The following NAALADL2 variants were observed in gnomAD, a reference collection of about 807,000 sequenced individuals.
The protein encoded by NAALADL2 is N-acetylated alpha-linked acidic dipeptidase like 2.
A neutral mutation model predicts 87.2 loss-of-function variants in NAALADL2; 76 were observed. The ratio of observed to expected loss-of-function variants is 0.87; its 90% CI spans 0.72 to 1.05. NAALADL2 has a LOEUF of 1.05. NAALADL2 is among the 50% of genes least tolerant of loss of function. The pLI is 0.00. For missense variants in NAALADL2, 1,089 were observed against 945.8 expected (o/e 1.15, Z -1.99); for synonymous variants, 354 against 331.0 (o/e 1.07, Z -0.75).
At chr3:174,797,298 C>CTTTTTTTTTTTGTTTTTTTTTT (rs765233495) in intron 3 of NAALADL2, among the ~76,000 whole-genome samples, 1 of 97,728 alleles carries the variant, frequency 1.0e-5, no homozygotes, top group Admixed American at 1.0e-4. Flanking sequence ...TTTTGTTTTT[C>CTTTTTTTTTTTGTTTTTTTTTT]TTTTTTCTTT....
In NAALADL2 at chr3:175,406,903, G is replaced by T. The variant is rs543820884; in HGVS notation, c.1091-40326G>T. On this transcript the variant is annotated intron_variant, in intron 5 of 13. Transcript: ENST00000454872. ...TTGCATTTTATTAAAAGTGTCGGCC[G>T]GGCGCTGTGGCTCACGCCTGTAATC... Among the ~76,000 whole-genome samples, 6 of 151,894 alleles carry T rather than the reference G, an allele frequency of 4.0e-5. No homozygotes were observed. The East Asian group carries it at 1.2e-3, about 29-fold the overall frequency.
At chr3:175,607,403 T>C (rs963883399) in intron 10 of NAALADL2, among the ~76,000 whole-genome samples, 12 of 152,326 alleles carry the variant, frequency 7.9e-5, no homozygotes, top group African/African-American at 2.9e-4. Context: ...TTATACATAT[T>C]TTGTCATATC....
chr3:174,555,376 T>G (rs921472229), intron 2 of NAALADL2, among the ~76,000 whole-genome samples: 1 of 152,300 alleles, frequency 6.6e-6, no homozygotes, highest in Admixed American at 6.5e-5. Context: ...CTTGGCCCAC[T>G]GCAACCTCCG....
intron 11 of NAALADL2, among the ~76,000 whole-genome samples, chr3:175,667,308 TCTATTGGTCA>T (rs1228924059): frequency 6.6e-6 from 1 of 152,060 alleles, no homozygotes; most frequent in Non-Finnish European, 1.5e-5. Flanking sequence ...TTGACTAATT[TCTATTGGTCA>T]GATGTTTCAA....
intron 2 of NAALADL2, among the ~76,000 whole-genome samples, chr3:175,126,721 G>A (rs73176764): frequency 0.076 from 11,629 of 152,106 alleles, 551 homozygotes; most frequent in Non-Finnish European, 0.1. Context: ...ACAAATTAAC[G>A]ATTAATGAAG....
chr3:174,903,980 TCTATTTCTATATCTATA>T (rs1560345324), intron 1 of NAALADL2, among the ~76,000 whole-genome samples: 29 of 151,538 alleles, frequency 1.9e-4, no homozygotes, highest in African/African-American at 6.1e-4. Flanking sequence ...TATATCTATA[TCTATTTCTATATCTATA>T]TCTATATCTA....
chr3:174,660,450 TCAC>T (rs970388343), intron 2 of NAALADL2, among the ~76,000 whole-genome samples: 6 of 152,168 alleles, frequency 3.9e-5, no homozygotes, highest in Non-Finnish European at 7.4e-5. Flanking sequence ...GAGAGTTAAA[TCAC>T]CAAGCTATAA....
At chr3:174,774,148 T>C (rs1177401804) in intron 3 of NAALADL2, among the ~76,000 whole-genome samples, 1 of 152,140 alleles carries the variant, frequency 6.6e-6, no homozygotes, top group Non-Finnish European at 1.5e-5. Context: ...TGGAATCCCT[T>C]TGCCCTGCAT....
chr3:175,780,703 CAT>C (rs1750932401), intron 13 of NAALADL2, among the ~76,000 whole-genome samples: 1 of 152,000 alleles, frequency 6.6e-6, no homozygotes, highest in South Asian at 2.1e-4. Context: ...TTTCAAATTC[CAT>C]TAAAAAAGAT....
At chr3:175,677,588 T>G (rs1734992628) in intron 11 of NAALADL2, among the ~76,000 whole-genome samples, 1 of 151,212 alleles carries the variant, frequency 6.6e-6, no homozygotes, top group South Asian at 2.1e-4. Context: ...CATTGGTAAT[T>G]TATCCTTCAT....
chr3:174,929,997 T>C (rs890945415), intron 1 of NAALADL2, among the ~76,000 whole-genome samples: 1 of 152,166 alleles, frequency 6.6e-6, no homozygotes, highest in Non-Finnish European at 1.5e-5. Flanking sequence ...TTATTTCCCC[T>C]GTTCTATCTT....
Position 175,576,123 on chromosome 3 carries a change from AT to A in NAALADL2, c.1739del (p.Phe580SerfsTer20). ...SSIQIQGDAD[Y>X]FINHLGVPIV... is the part of the protein sequence containing the mutation. ...ATACAGATACAAGGTGATGCTGATT[AT>A]TTCATCAACCATCTTGGAGTTCCCA... On this transcript the variant is annotated frameshift_variant, in exon 10 of 14. Transcript: ENST00000454872. LOFTEE classifies it high-confidence loss of function. 6.2e-7 allele frequency: 1 copy of A among 1,613,764 alleles called. No homozygotes were observed. Among genetic ancestry groups the A allele is most frequent in the Non-Finnish European group, 8.5e-7 (1 of 1,179,690 alleles).
chr3:175,218,775 T>G (rs989709358), intron 2 of NAALADL2, among the ~76,000 whole-genome samples: 3 of 151,966 alleles, frequency 2.0e-5, no homozygotes, highest in African/African-American at 7.2e-5. Context: ...ATTCATCCTA[T>G]TCATTTCATT....
intron 1 of NAALADL2, among the ~76,000 whole-genome samples, chr3:174,461,788 T>A (rs1183251911): frequency 1.3e-5 from 2 of 152,062 alleles, no homozygotes; most frequent in African/African-American, 2.4e-5. Context: ...TTTAAAGAAC[T>A]TCTAAGACAA....
chr3:174,883,333 C>A (rs1461831075), intron 1 of NAALADL2, among the ~76,000 whole-genome samples: 1 of 152,092 alleles, frequency 6.6e-6, no homozygotes, highest in East Asian at 1.9e-4. Flanking sequence ...AAGTCCACCG[C>A]TTGTCAACCT....
chr3:175,458,283 A>T (rs959725063), intron 6 of NAALADL2, among the ~76,000 whole-genome samples: 2 of 152,012 alleles, frequency 1.3e-5, no homozygotes, highest in African/African-American at 2.4e-5. Context: ...AAATATAGTT[A>T]TATTTTAATA....
intron 1 of NAALADL2, among the ~76,000 whole-genome samples, chr3:174,508,896 A>G (rs1199094096): frequency 1.3e-5 from 2 of 152,140 alleles, no homozygotes; most frequent in African/African-American, 4.8e-5. Flanking sequence ...GTATATAATA[A>G]CAATTAATTT....
intron 1 of NAALADL2, among the ~76,000 whole-genome samples, chr3:174,534,620 C>T (rs1721556921): frequency 6.6e-6 from 1 of 152,122 alleles, no homozygotes; most frequent in Admixed American, 6.5e-5. Context: ...AACTTAGAAG[C>T]CCCAAGAACA....
intron 2 of NAALADL2, among the ~76,000 whole-genome samples, chr3:175,191,323 A>G (rs879791249): frequency 2.6e-5 from 4 of 152,210 alleles, no homozygotes; most frequent in African/African-American, 4.8e-5. Flanking sequence ...TAAAAACTGA[A>G]TATAGTCAAG....
Sources: allele counts gnomAD v4.1 joint callset (sites outside exome capture counted in the v4.1 genomes callset), GRCh38; gene constraint gnomAD v4.1.1; transcripts MANE v1.5; gene names NCBI Gene and HGNC (gene_info 2026-07-23, HGNC 2026-07-21).